Variants in SLC36A3 observed in about 807,000 individuals in gnomAD.
SLC36A3 encodes the protein proton-coupled amino acid transporter 3.
A neutral mutation model predicts 44.3 loss-of-function variants in SLC36A3; 35 were observed. That is an observed-to-expected ratio of 0.79 (90% CI 0.60 to 1.05). SLC36A3 has a LOEUF of 1.05. SLC36A3 is among the 50% of genes least tolerant of loss of function. SLC36A3 has a pLI of 0.00. For missense variants in SLC36A3, 540 were observed against 578.7 expected (o/e 0.93, Z 0.69); for synonymous variants, 211 against 227.6 (o/e 0.93, Z 0.66).
intron 6 of SLC36A3, among the ~76,000 whole-genome samples, chr5:151,286,297 A>T (rs1398055653): frequency 6.6e-6 from 1 of 152,102 alleles, no homozygotes; most frequent in Non-Finnish European, 1.5e-5. Context: ...CATATAACCC[A>T]TGCTTATGTT....
intron 2 of SLC36A3, chr5:151,296,509 C>T (rs962432862): frequency 5.4e-6 from 3 of 552,002 alleles, no homozygotes; most frequent in Non-Finnish European, 9.7e-6. Context: ...TCATTACCTT[C>T]CCACATAGCC....
chr5:151,288,059 G>A (rs1236010522), intron 5 of SLC36A3, among the ~76,000 whole-genome samples: 1 of 152,226 alleles, frequency 6.6e-6, no homozygotes, highest in Non-Finnish European at 1.5e-5. Context: ...TCCTTGTATA[G>A]TTAGACATCT....
At chr5:151,296,442 G>T in intron 2 of SLC36A3, 174 bp from the exon 3 acceptor site, 1 of 645,412 alleles carries the variant, frequency 1.5e-6, no homozygotes. Flanking sequence ...GCTCTTCTTA[G>T]CATCCCTGTA....
At position 151,287,452 on chromosome 5, in the gene SLC36A3, C is replaced by T; in HGVS notation, c.502G>A (p.Ala168Thr). The T allele has an allele frequency of 6.2e-7, 1 of 1,614,076 alleles. No homozygotes were observed. Among genetic ancestry groups the T allele is most frequent in the Non-Finnish European group, 8.5e-7 (1 of 1,179,954 alleles). ...ADNLQQMVEK[A>T]HVTSNICQPR... ...TGGCAGATGTTGGAGGTCACGTGGG[C>T]TTTTTCCACCATCTGACATAAAGCA... Residue 168 changes from alanine to threonine, a missense_variant, in exon 6 of 10, where the codon GCC (alanine) becomes ACC (threonine). Coordinates refer to ENST00000335230, the MANE Select transcript of SLC36A3 (RefSeq NM_181774.4).
chr5:151,283,491 A>G (rs528779850), intron 8 of SLC36A3, among the ~76,000 whole-genome samples: 2 of 152,350 alleles, frequency 1.3e-5, no homozygotes, highest in African/African-American at 4.8e-5. Flanking sequence ...ACAGCATATT[A>G]GGATGATATC....
At chr5:151,281,661 T>C (rs1754320062) in intron 8 of SLC36A3, among the ~76,000 whole-genome samples, 1 of 151,926 alleles carries the variant, frequency 6.6e-6, no homozygotes, top group African/African-American at 2.4e-5. Flanking sequence ...CTAATAAAAA[T>C]ACAAAAATTA....
At position 151,279,730 on chromosome 5, in the gene SLC36A3, G is replaced by T. The variant is rs577384279; in HGVS notation, c.1144+1284C>A. Among the ~76,000 whole-genome samples, 4 of 152,270 alleles carry T rather than the reference G, an allele frequency of 2.6e-5. No homozygotes were observed. In the South Asian group the frequency reaches 8.3e-4, roughly 32 times the overall value. The stretch of plus-strand genomic sequence containing the variant: ...AACCAAGTAGGATTTTGCTGTTTCT[G>T]CTCATAGAACGCCTGCCATTTAAAG... On this transcript the variant is annotated intron_variant, in intron 9 of 9. Transcript: ENST00000335230.
intron 6 of SLC36A3, 109 bp from the exon 7 acceptor site, chr5:151,284,820 G>A: frequency 3.2e-6 from 2 of 632,640 alleles, no homozygotes; most frequent in Non-Finnish European, 5.4e-6. Flanking sequence ...GAGAAAATCA[G>A]AAGATACCTA....
chr5:151,287,169 C>T (rs1249403135), intron 6 of SLC36A3, 77 bp downstream of exon 6: 30 of 1,445,694 alleles, frequency 2.1e-5, no homozygotes, highest in Non-Finnish European at 2.9e-5. Context: ...TTCACCTGCC[C>T]ATCATGATAA....
Position 151,296,247 on chromosome 5 carries a change from C to T in SLC36A3, c.241G>A (p.Ala81Thr), listed in dbSNP as rs141518323. The T allele has an allele frequency of 1.3e-4, 205 of 1,614,076 alleles. 1 individual carries two copies. The African/African-American group carries it at 2.6e-3, about 20-fold the overall frequency. Reference sequence around the variant, plus strand: ...CAGTGCACGGTGAGGACCCCGATGGCCAGAAGGCTGACAGGACCGACCTGG... The same window carrying T: ...CAGTGCACGGTGAGGACCCCGATGGTCAGAAGGCTGACAGGACCGACCTGG... Reference protein sequence around the residue: ...GLLVGPVSLLAIGVLTVHCMV... With the variant: ...GLLVGPVSLLTIGVLTVHCMV... The change falls in exon 3 of 10, where the codon GCC (alanine) becomes ACC (threonine). Residue 81 changes from alanine to threonine, a missense_variant. By Grantham distance (58) the Ala-to-Thr change is moderately conservative. Coordinates refer to ENST00000335230, the MANE Select transcript of SLC36A3 (RefSeq NM_181774.4).
Position 151,284,044 on chromosome 5 carries a change from C to A in SLC36A3, c.974G>T (p.Trp325Leu). 6.2e-7 allele frequency: 1 copy of A among 1,609,336 alleles called. No homozygotes were observed. Among genetic ancestry groups the A allele is most frequent in the Non-Finnish European group, 8.5e-7 (1 of 1,178,114 alleles). ...ASITLNLPNC[W>L]LYQSVKLMYS... ...CTCACCTGAGGTGGGCAGGACATAC[C>A]AGCAATTGGGCAAGTTGAGGGTGAT... Residue 325 changes from tryptophan (W) to leucine (L), a missense_variant and splice_region_variant, in exon 8 of 10, where the codon TGG becomes TTG. Physicochemically the swap from Trp to Leu is moderately conservative, Grantham distance 61 (BLOSUM62 -2). Transcript: ENST00000335230.
intron 6 of SLC36A3, among the ~76,000 whole-genome samples, chr5:151,286,974 A>T (rs1754557433): frequency 6.6e-6 from 1 of 152,212 alleles, no homozygotes; most frequent in South Asian, 2.1e-4. Context: ...CCTGGATTGC[A>T]GAAGGTATTC....
Position 151,284,245 on chromosome 5 carries a change from T to C in SLC36A3, c.808-35A>G, listed in dbSNP as rs201626501. ...AAAAAAAAAGTTGGGAAAGAAAAGGTAGAAAGAGATGTGGCCCATTGTGAA... is the reference window on the plus strand; with the variant it reads ...AAAAAAAAAGTTGGGAAAGAAAAGGCAGAAAGAGATGTGGCCCATTGTGAA... On this transcript the variant is annotated intron_variant, in intron 7 of 9. Transcript: ENST00000335230. 2.3e-5 allele frequency: 36 copies of C among 1,576,578 alleles called. No individual in the cohort carries two copies. The African/African-American group carries it at 4.2e-4, about 19-fold the overall frequency.
At chr5:151,296,130 A>G (rs1754949482) in intron 3 of SLC36A3, 50 bp downstream of exon 3, 1 of 1,566,206 alleles carries the variant, frequency 6.4e-7, no homozygotes, top group African/African-American at 1.4e-5. Context: ...AGAGCAACAC[A>G]CCCTCAGAGG....
At chr5:151,299,591 G>A (rs1321810604) in intron 1 of SLC36A3, among the ~76,000 whole-genome samples, 1 of 151,964 alleles carries the variant, frequency 6.6e-6, no homozygotes, top group Non-Finnish European at 1.5e-5. Context: ...GATTGGGTGG[G>A]AAAGGTGGGA....
rs758796923 is a variant in SLC36A3 at position 151,277,449 on chromosome 5, C to A, written c.1357G>T (p.Glu453Ter). The change falls in exon 10 of 10, where the codon GAG (glutamate) becomes TAG (stop). Residue 453 changes from glutamate to a stop codon, truncating the protein, a stop_gained. Coordinates refer to ENST00000335230, the MANE Select transcript of SLC36A3 (RefSeq NM_181774.4). LOFTEE classifies it low-confidence loss of function (END_TRUNC). ...CIFGTYQALY[E>*]LPQPISHSMA... ...GAATGGCTGATGGGTTGGGGCAACTCATAGAGGGCTTGGTATGTCCCAAAT... is the reference window on the plus strand; with the variant it reads ...GAATGGCTGATGGGTTGGGGCAACTAATAGAGGGCTTGGTATGTCCCAAAT... 1.2e-6 allele frequency: 2 copies of A among 1,614,148 alleles called. No homozygotes were observed. Among genetic ancestry groups the A allele is most frequent in the South Asian group, 2.2e-5 (2 of 91,078 alleles).
At chr5:151,278,208 T>C (rs10059702) in intron 9 of SLC36A3, among the ~76,000 whole-genome samples, 12,129 of 152,242 alleles carry the variant, frequency 0.08, 1,375 homozygotes, top group African/African-American at 0.25. Context: ...TCTGCTGCTG[T>C]CCGAATATCA....
At chr5:151,299,215 T>G (rs1361383969) in intron 1 of SLC36A3, among the ~76,000 whole-genome samples, 1 of 145,240 alleles carries the variant, frequency 6.9e-6, no homozygotes. Context: ...TGAATATGAA[T>G]TGCTTGTGCG....
intron 3 of SLC36A3, 35 bp downstream of exon 3, chr5:151,296,145 C>T (rs1414227056): frequency 6.2e-7 from 1 of 1,608,532 alleles, no homozygotes; most frequent in Non-Finnish European, 8.5e-7. Context: ...CAGAGGGGCC[C>T]CAGTGCTGGA....
Sources: gnomAD v4.1 joint callset for allele counts (sites outside exome capture counted in the v4.1 genomes callset) on GRCh38, gnomAD v4.1.1 for gene constraint, MANE v1.5 for transcripts, NCBI Gene and HGNC (gene_info 2026-07-23, HGNC 2026-07-21) for gene names.